Variants in ZC3H12B observed in about 807,000 individuals in gnomAD.
The protein encoded by ZC3H12B is zinc finger CCCH-type containing 12B.
ZC3H12B carries 7 observed loss-of-function variants against 43.9 expected under a neutral mutation model. The observed-to-expected ratio is 0.16, with a 90% CI of 0.09 to 0.30. The LOEUF (loss-of-function observed/expected upper bound fraction) is 0.30, where lower values mean the gene tolerates loss of function less well. ZC3H12B is among the 10% of genes least tolerant of loss of function. The pLI, the probability that ZC3H12B is intolerant of heterozygous loss-of-function variation, is 1.00. For synonymous variants in ZC3H12B, 222 were observed against 241.7 expected (o/e 0.92, Z 0.76); for missense variants, 475 against 670.2 (o/e 0.71, Z 3.22).
chrX:65,269,526 G>T, the ZC3H12B span, among the ~76,000 whole-genome samples: 1 of 110,279 alleles, frequency 9.1e-6, no homozygotes, highest in African/African-American at 3.3e-5. Flanking sequence ...TTTTGACAGG[G>T]TTTTACTCTG....
chrX:65,114,440 A>G, the ZC3H12B span, among the ~76,000 whole-genome samples: 1 of 110,400 alleles, frequency 9.1e-6, no homozygotes, highest in Non-Finnish European at 1.9e-5. Context: ...CTATTCTAAT[A>G]ATATATTTCA....
At chrX:65,320,426 G>T in the ZC3H12B span, among the ~76,000 whole-genome samples, 1 of 111,964 alleles carries the variant, frequency 8.9e-6, no homozygotes, top group African/African-American at 3.2e-5. Flanking sequence ...CACATTCCAT[G>T]CTCATGGATA....
At chrX:65,256,638 CAAG>C in the ZC3H12B span, among the ~76,000 whole-genome samples, 7 of 111,265 alleles carry the variant, frequency 6.3e-5, no homozygotes, top group African/African-American at 2.0e-4. Context: ...CCTAGGGAAA[CAAG>C]AGCCAACCAA....
chrX:65,091,155 T>G, the ZC3H12B span, among the ~76,000 whole-genome samples: 3 of 110,024 alleles, frequency 2.7e-5, no homozygotes, highest in African/African-American at 1.0e-4. Flanking sequence ...TCTATTGGTG[T>G]CATACATGTC....
chrX:65,321,087 A>C, the ZC3H12B span, among the ~76,000 whole-genome samples: 4 of 111,913 alleles, frequency 3.6e-5, no homozygotes, highest in Non-Finnish European at 7.5e-5. Flanking sequence ...CAAATAAACT[A>C]TCAACAGAGT....
chrX:65,102,787 G>C, the ZC3H12B span, among the ~76,000 whole-genome samples: 1 of 111,641 alleles, frequency 9.0e-6, no homozygotes, highest in Non-Finnish European at 1.9e-5. Flanking sequence ...ACAAAAGAGA[G>C]AAATTTTAAA....
At chrX:65,404,046 A>C (rs1317350231) in intron 3 of ZC3H12B, among the ~76,000 whole-genome samples, 4 of 112,411 alleles carry the variant, frequency 3.6e-5, no homozygotes, top group Admixed American at 1.9e-4. Flanking sequence ...AGACATAGAC[A>C]GTACAATAAG....
chrX:65,408,670 C>T, intron 3 of ZC3H12B: 8 of 991,598 alleles, frequency 8.1e-6, no homozygotes, highest in Middle Eastern at 2.6e-4. Flanking sequence ...ATGAGAGGCC[C>T]GGCAAGCCAG....
chrX:65,312,457 G>T, the ZC3H12B span, among the ~76,000 whole-genome samples: 1 of 108,872 alleles, frequency 9.2e-6, no homozygotes, highest in Middle Eastern at 4.3e-3. Context: ...GCACCTCTGT[G>T]CTGGCAGCAC....
chrX:65,219,474 C>T, the ZC3H12B span, among the ~76,000 whole-genome samples: 1 of 111,312 alleles, frequency 9.0e-6, no homozygotes, highest in Non-Finnish European at 1.9e-5. Context: ...ATCACAACTT[C>T]TGGAAATGAA....
At chrX:65,293,610 T>C in the ZC3H12B span, among the ~76,000 whole-genome samples, 1 of 107,018 alleles carries the variant, frequency 9.3e-6, no homozygotes, top group African/African-American at 3.4e-5. Context: ...AAAAAAAAGA[T>C]ACAGGGAATG....
chrX:65,309,802 C>T, the ZC3H12B span, among the ~76,000 whole-genome samples: 1 of 111,843 alleles, frequency 8.9e-6, no homozygotes, highest in South Asian at 3.7e-4. Flanking sequence ...TTATCCACCA[C>T]GATCAACTCG....
At chrX:65,212,529 A>T in the ZC3H12B span, among the ~76,000 whole-genome samples, 1 of 73,912 alleles carries the variant, frequency 1.4e-5, no homozygotes, top group East Asian at 4.0e-4. Flanking sequence ...TTATTATATT[A>T]CATATAATGT....
At chrX:65,315,653 A>G in the ZC3H12B span, among the ~76,000 whole-genome samples, 1 of 111,639 alleles carries the variant, frequency 9.0e-6, no homozygotes, top group Non-Finnish European at 1.9e-5. Context: ...TAAAACCAAA[A>G]GAAAAAAATC....
At chrX:65,037,911 A>G in the ZC3H12B span, among the ~76,000 whole-genome samples, 1 of 111,106 alleles carries the variant, frequency 9.0e-6, no homozygotes. Context: ...CAAAGTTCTA[A>G]TATCATGTTA....
At chrX:65,389,005 C>T (rs953690342) in intron 2 of ZC3H12B, among the ~76,000 whole-genome samples, 5 of 111,843 alleles carry the variant, frequency 4.5e-5, no homozygotes, top group African/African-American at 1.6e-4. Flanking sequence ...GAAGTTTTGT[C>T]TCAGAGGAGT....
the ZC3H12B span, among the ~76,000 whole-genome samples, chrX:65,251,913 T>C: frequency 9.0e-6 from 1 of 111,419 alleles, no homozygotes; most frequent in East Asian, 2.8e-4. Flanking sequence ...TTTTCCTAAT[T>C]GAATACCCTT....
intron 3 of ZC3H12B, among the ~76,000 whole-genome samples, chrX:65,419,313 A>G (rs1369148953): frequency 2.7e-5 from 3 of 111,931 alleles, no homozygotes; most frequent in Non-Finnish European, 5.6e-5. Context: ...TAGTGCCACC[A>G]TCACGGAATT....
chrX:65,461,603 CA>C (rs2067748432), intron 3 of ZC3H12B, among the ~76,000 whole-genome samples: 1 of 111,301 alleles, frequency 9.0e-6, no homozygotes, highest in South Asian at 3.7e-4. Context: ...ATCACAAGGA[CA>C]AAAAACCAAA....
Sources: allele counts gnomAD v4.1 joint callset (sites outside exome capture counted in the v4.1 genomes callset), GRCh38; gene constraint gnomAD v4.1.1; transcripts MANE v1.5; gene names NCBI Gene and HGNC (gene_info 2026-07-23, HGNC 2026-07-21).